CCDC187: variants seen among roughly 807,000 people sequenced by gnomAD.
CCDC187 encodes the protein coiled-coil domain containing 187.
CCDC187 carries 32 observed loss-of-function variants against 38.0 expected under a neutral mutation model. The observed-to-expected ratio is 0.84, with a 90% CI of 0.64 to 1.13. The LOEUF is 1.13. CCDC187 is among the 50% of genes most tolerant of loss of function. CCDC187 has a pLI of 0.00. For missense variants in CCDC187, 707 were observed against 786.8 expected (o/e 0.90, Z 1.21); for synonymous variants, 333 against 347.9 (o/e 0.96, Z 0.48).
In CCDC187 at chr9:136,297,710, T is replaced by C. The variant is rs1291240396; in HGVS notation, c.832+4A>G. On this transcript the variant is annotated splice_donor_region_variant and intron_variant, in intron 4 of 25. Transcript: ENST00000638797. The stretch of plus-strand genomic sequence containing the variant: ...TGCCAGGGCCCCAAAATAGCAAACC[T>C]TACCTTCGTCTTTGTGTTTGTCTTT... The C allele has an allele frequency of 7.5e-6, 3 of 398,742 alleles. No homozygotes were observed. Among genetic ancestry groups the C allele is most frequent in the African/African-American group, 6.2e-5 (3 of 48,630 alleles). The allele number at this position is 398,742 out of a possible 1,614,324, so 24.7% of individuals were successfully genotyped here.
rs74845526 is a variant in CCDC187, at chr9:136,250,165, C to T, written c.*3429G>A. 1,113 of 158,598 alleles carry T rather than the reference C, an allele frequency of 7.0e-3. 11 individuals carry two copies. The highest frequency in any genetic ancestry group is 0.025 in the African/African-American group (1,046 of 41,596). The allele number at this position is 158,598 out of a possible 1,614,324, so 9.8% of individuals were successfully genotyped here. ...AAATGCGTTTACACCTCTGCTGAAG[C>T]GGCTTTTTCTCCGGTGCTCAGAGTA... On this transcript the variant is annotated 3_prime_UTR_variant, in exon 26 of 26. Coordinates refer to ENST00000638797, the MANE Select transcript of CCDC187 (RefSeq NM_001378188.1).
rs1203158342 is a variant in CCDC187, at chr9:136,253,792, TA to T, written c.6035del (p.Leu2012HisfsTer155). ...CTTGGGGAGTGGGAGGAGGTGGGGGTAGGGGGGCCTCCCTGTGGATGGAGGA... is the reference window on the plus strand; with the variant it reads ...CTTGGGGAGTGGGAGGAGGTGGGGGTGGGGGGCCTCCCTGTGGATGGAGGA... The part of the protein sequence containing the change: ...LPSSIHREAP[L>X]PPPPPTPQAQ... On this transcript the variant is annotated frameshift_variant, in exon 26 of 26. Coordinates refer to ENST00000638797, the MANE Select transcript of CCDC187 (RefSeq NM_001378188.1). LOFTEE classifies it low-confidence loss of function (END_TRUNC). 5 of 984,870 alleles carry T rather than the reference TA, an allele frequency of 5.1e-6. No homozygotes were observed. The highest frequency in any genetic ancestry group is 6.0e-6 in the Non-Finnish European group (5 of 829,840). 61.0% of individuals were successfully genotyped at this position (984,870 alleles called of 1,614,324 possible).
At chr9:136,272,863 G>T (rs1429229642) in intron 14 of CCDC187, among the ~76,000 whole-genome samples, 1 of 152,110 alleles carries the variant, frequency 6.6e-6, no homozygotes, top group Non-Finnish European at 1.5e-5. Context: ...GACACAGTGA[G>T]ACCCCCATCT....
intron 4 of CCDC187, among the ~76,000 whole-genome samples, chr9:136,297,277 C>T (rs1304860427): frequency 3.3e-5 from 5 of 150,654 alleles, no homozygotes; most frequent in South Asian, 2.1e-4. Context: ...CTACGGGTGC[C>T]GTGAGCTGCG....
In CCDC187 at chr9:136,254,321, G is replaced by C; in HGVS notation, c.5507C>G (p.Pro1836Arg). ...CAGCCCCTCCCCAGGCCATGGGGAC[G>C]GAAGAGCCACCTGGGGCTCCATGCC... ...RSGMEPQVAL[P>R]SPWPGEGLEA... Residue 1836 changes from proline to arginine, a missense_variant, in exon 26 of 26, where the codon CCG (proline) becomes CGG (arginine). Transcript: ENST00000638797. 2 of 978,094 alleles carry C rather than the reference G, an allele frequency of 2.0e-6. No homozygotes were observed. The highest frequency in any genetic ancestry group is 2.4e-6 in the Non-Finnish European group (2 of 823,572). 60.6% of individuals were successfully genotyped at this position (978,094 alleles called of 1,614,324 possible). A position where few individuals can be genotyped will look rare whatever the true frequency, so the allele number is the denominator to read the frequency against.
intron 14 of CCDC187, among the ~76,000 whole-genome samples, chr9:136,271,742 G>A (rs995537038): frequency 2.6e-5 from 4 of 151,254 alleles, no homozygotes; most frequent in Non-Finnish European, 5.9e-5. Flanking sequence ...CGAGTAGCTG[G>A]GACTACAGGC....
intron 9 of CCDC187, among the ~76,000 whole-genome samples, chr9:136,282,492 G>A (rs962063901): frequency 3.2e-4 from 49 of 151,792 alleles, no homozygotes; most frequent in African/African-American, 1.2e-3. Context: ...CGGGGCATGT[G>A]GGCGGGGCAT....
intron 19 of CCDC187, 26 bp from the exon 20 acceptor site, chr9:136,260,290 G>T (rs570164078): frequency 1.0e-6 from 1 of 984,828 alleles, no homozygotes; most frequent in Non-Finnish European, 1.2e-6. Flanking sequence ...GAGTGGAGGT[G>T]ACCGCCCGCC....
At chr9:136,255,269 C>T (rs1452936646) in intron 25 of CCDC187, 135 bp from the exon 26 acceptor site, 3 of 302,676 alleles carry the variant, frequency 9.9e-6, no homozygotes, top group Admixed American at 6.5e-5. Context: ...AGGGTGCCAG[C>T]GTGTTCGACC....
At chr9:136,263,235 C>CTTTTTT (rs35662036) in intron 18 of CCDC187, among the ~76,000 whole-genome samples, 1 of 94,082 alleles carries the variant, frequency 1.1e-5, no homozygotes, top group Non-Finnish European at 2.2e-5. Context: ...GGGCCACAGG[C>CTTTTTT]TTTTTTTTTT....
rs1214966296 is a variant in CCDC187, at chr9:136,250,788, C to T, written c.*2806G>A. ...AATGGGGACCCTGACACAGGCCGGC[C>T]ATTGTTAACGGCACCTGGGGCTAAG... On this transcript the variant is annotated 3_prime_UTR_variant, in exon 26 of 26. Transcript: ENST00000638797. 2.2e-6 allele frequency: 1 copy of T among 456,180 alleles called. No homozygotes were observed. Among genetic ancestry groups the T allele is most frequent in the African/African-American group, 2.0e-5 (1 of 50,076 alleles). 28.3% of individuals were successfully genotyped at this position (456,180 alleles called of 1,614,324 possible). A position where few individuals can be genotyped will look rare whatever the true frequency, so the allele number is the denominator to read the frequency against.
chr9:136,254,975 G>T lies in CCDC187; in HGVS notation c.4853C>A (p.Ala1618Glu). Residue 1618 changes from alanine to glutamate, a missense_variant, in exon 26 of 26, where the codon GCA becomes GAA. Coordinates refer to ENST00000638797, the MANE Select transcript of CCDC187 (RefSeq NM_001378188.1). ...ACAGGACAGGCTGCTCACAGAGCCT[G>T]CTGGGGAGGTGTGGGATGACACCGT... ...EATVSSHTSP[A>E]GSVSSLSCPS... is the part of the protein sequence containing the mutation. The T allele has an allele frequency of 1.0e-6, 1 of 985,498 alleles. No homozygotes were observed. Among genetic ancestry groups the T allele is most frequent in the Non-Finnish European group, 1.2e-6 (1 of 829,952 alleles). 61.0% of individuals were successfully genotyped at this position (985,498 alleles called of 1,614,324 possible). A position where few individuals can be genotyped will look rare whatever the true frequency, so the allele number is the denominator to read the frequency against.
intron 7 of CCDC187, among the ~76,000 whole-genome samples, chr9:136,289,723 A>G (rs1174427488): frequency 1.3e-5 from 2 of 152,220 alleles, no homozygotes; most frequent in African/African-American, 4.8e-5. Context: ...GTGCACTTTA[A>G]CGTGGTGGAT....
intron 16 of CCDC187, 142 bp from the exon 17 acceptor site, chr9:136,266,185 A>G: frequency 3.3e-6 from 1 of 299,888 alleles, no homozygotes; most frequent in Non-Finnish European, 4.9e-6. Context: ...GGACGCAGCC[A>G]TGCGTGGACA....
At chr9:136,260,008 G>A in intron 20 of CCDC187, 111 bp downstream of exon 20, 1 of 895,078 alleles carries the variant, frequency 1.1e-6, no homozygotes, top group Non-Finnish European at 1.3e-6. Context: ...GGGCACAGCA[G>A]GCCAGAACAC....
chr9:136,281,702 G>A (rs989074821), intron 9 of CCDC187, 39 bp from the exon 10 acceptor site: 23 of 398,624 alleles, frequency 5.8e-5, no homozygotes, highest in Middle Eastern at 6.2e-4. Flanking sequence ...GGCCAGGCCC[G>A]TGGAGGAGAC....
chr9:136,291,477 C>G lies in CCDC187; in HGVS notation c.1136G>C (p.Arg379Pro), dbSNP rs1017426277. The change falls in exon 6 of 26, where the codon CGC becomes CCC. Residue 379 changes from arginine to proline, a missense_variant. Arg to Pro is a moderately radical substitution (Grantham distance 103). Coordinates refer to ENST00000638797, the MANE Select transcript of CCDC187 (RefSeq NM_001378188.1). Reference protein sequence around the residue: ...QTAMAILQDLRQQIQAGLELA... With the variant: ...QTAMAILQDLPQQIQAGLELA... ...CTCCAGCCCAGCCTGGATTTGCTGG[C>G]GCAGGTCTTGTAGGATGGCCATGGC... 7.5e-6 allele frequency: 3 copies of G among 398,708 alleles called. No homozygotes were observed. Among genetic ancestry groups the G allele is most frequent in the South Asian group, 1.3e-4 (1 of 7,858 alleles). 24.7% of individuals were successfully genotyped at this position (398,708 alleles called of 1,614,324 possible).
intron 12 of CCDC187, among the ~76,000 whole-genome samples, chr9:136,275,691 C>CA (rs1411131597): frequency 3.2e-3 from 491 of 152,340 alleles, no homozygotes; most frequent in African/African-American, 8.0e-3. Context: ...GACTGGGTGA[C>CA]ATTGTCCCCT....
At chr9:136,295,348 C>T (rs1164480517) in intron 4 of CCDC187, among the ~76,000 whole-genome samples, 1 of 152,178 alleles carries the variant, frequency 6.6e-6, no homozygotes, top group Non-Finnish European at 1.5e-5. Context: ...GGGTCCCGCT[C>T]GATAAATGGG....
Sources: gnomAD v4.1 joint callset for allele counts (sites outside exome capture counted in the v4.1 genomes callset) on GRCh38, gnomAD v4.1.1 for gene constraint, MANE v1.5 for transcripts, NCBI Gene and HGNC (gene_info 2026-07-23, HGNC 2026-07-21) for gene names.